The following TRNAU1AP variants were observed in gnomAD, a reference collection of about 807,000 sequenced individuals.
TRNAU1AP encodes tRNA selenocysteine 1-associated protein 1.
Under a neutral mutation model 43.3 loss-of-function variants are expected in TRNAU1AP, and 33 were observed. The ratio of observed to expected loss-of-function variants is 0.76; its 90% CI spans 0.58 to 1.02. The LOEUF (loss-of-function observed/expected upper bound fraction) is 1.02, where lower values mean the gene tolerates loss of function less well. TRNAU1AP is among the 50% of genes least tolerant of loss of function. The pLI is 0.00. For missense variants in TRNAU1AP, 290 were observed against 362.7 expected, an observed-to-expected ratio of 0.80 and a Z score of 1.63; for synonymous variants, 143 against 129.1, an observed-to-expected ratio of 1.11 and a Z score of -0.73.
intron 4 of TRNAU1AP, among the ~76,000 whole-genome samples, chr1:28,562,367 T>A (rs1212765774): frequency 2.6e-5 from 4 of 152,066 alleles, no homozygotes; most frequent in African/African-American, 4.8e-5. Context: ...ATGCGGTGTA[T>A]CCACTGACAA....
intron 8 of TRNAU1AP, among the ~76,000 whole-genome samples, chr1:28,576,833 T>C (rs1205025059): frequency 6.6e-6 from 1 of 152,208 alleles, no homozygotes; most frequent in Non-Finnish European, 1.5e-5. Context: ...TCCCGACTTC[T>C]GGTGATCTGC....
At chr1:28,557,523 A>T (rs1423561283) in intron 2 of TRNAU1AP, among the ~76,000 whole-genome samples, 3 of 145,522 alleles carry the variant, frequency 2.1e-5, no homozygotes, top group African/African-American at 7.7e-5. Flanking sequence ...TGTCACCCAG[A>T]CTATATTACA....
chr1:28,563,393 CAA>C lies in TRNAU1AP; in HGVS notation c.279-1306_279-1305del, dbSNP rs890802181. On this transcript the variant is annotated intron_variant, in intron 4 of 8. Transcript: ENST00000373830. ...AGAAACCCCGTCTCTACTAAAAATA[CAA>C]AAATTGGCTGGGCGTGGTGGCTTAC... Among the ~76,000 whole-genome samples, 88 of 151,814 alleles carry C rather than the reference CAA, an allele frequency of 5.8e-4. 1 individual carries two copies. The highest frequency in any genetic ancestry group is 1.1e-3 in the Non-Finnish European group (73 of 67,956).
chr1:28,553,828 C>A, intron 2 of TRNAU1AP, 91 bp downstream of exon 2: 1 of 1,102,022 alleles, frequency 9.1e-7, no homozygotes, highest in East Asian at 2.5e-5. Flanking sequence ...TCTCACTACC[C>A]CTAGTAATAG....
In TRNAU1AP at chr1:28,558,778, T is replaced by G. The variant is rs1043760954; in HGVS notation, c.126-1855T>G. Among the ~76,000 whole-genome samples the G allele has an allele frequency of 4.6e-5, 7 of 151,860 alleles. No homozygotes were observed. The South Asian group carries it at 6.2e-4, about 14-fold the overall frequency. ...GATGGGGTTTCACTGTGTTAGCCAG[T>G]ATGGTCTCAGTCTCCTGACCTCGTG... On this transcript the variant is annotated intron_variant, in intron 2 of 8. Transcript: ENST00000373830.
intron 2 of TRNAU1AP, among the ~76,000 whole-genome samples, chr1:28,554,741 G>T (rs1665219369): frequency 6.6e-6 from 1 of 151,798 alleles, no homozygotes. Context: ...CTACTTGGGG[G>T]GCTGAGGCAG....
intron 2 of TRNAU1AP, 79 bp downstream of exon 2, chr1:28,553,816 C>T (rs935722111): frequency 1.6e-6 from 2 of 1,217,490 alleles, no homozygotes; most frequent in African/African-American, 1.5e-5. Context: ...GTAGTCATGG[C>T]TTCTCACTAC....
intron 8 of TRNAU1AP, among the ~76,000 whole-genome samples, chr1:28,577,294 T>C (rs763126765): frequency 3.3e-5 from 5 of 152,204 alleles, no homozygotes; most frequent in Non-Finnish European, 7.3e-5. Flanking sequence ...AGATGCAGGC[T>C]AACAGCTGCC....
intron 3 of TRNAU1AP, 106 bp from the exon 4 acceptor site, chr1:28,561,240 G>C: frequency 6.5e-7 from 1 of 1,531,384 alleles, no homozygotes; most frequent in Non-Finnish European, 8.8e-7. Context: ...GGCTTAGAGA[G>C]GGGGAGATGT....
rs768527760 is a variant in TRNAU1AP, at chr1:28,553,650, A to T, written c.38A>T (p.Tyr13Phe). ...ASLWMGDLEP[Y>F]MDENFISRAF... Reference sequence around the variant, plus strand: ...CTTGTTTTTACGCAGCTGGAACCCTACATGGATGAGAACTTCATCTCCAGA... The same window carrying T: ...CTTGTTTTTACGCAGCTGGAACCCTTCATGGATGAGAACTTCATCTCCAGA... The change falls in exon 2 of 9, where the codon TAC (tyrosine) becomes TTC (phenylalanine). Residue 13 changes from tyrosine (Y) to phenylalanine (F), a missense_variant. Physicochemically the swap from Tyr to Phe is conservative, Grantham distance 22 (BLOSUM62 3). Transcript: ENST00000373830. 12 of 1,614,028 alleles carry T rather than the reference A, an allele frequency of 7.4e-6. No homozygotes were observed. Among genetic ancestry groups the T allele is most frequent in the Non-Finnish European group, 9.3e-6 (11 of 1,179,986 alleles).
chr1:28,556,686 T>G (rs1205822027), intron 2 of TRNAU1AP, among the ~76,000 whole-genome samples: 1 of 151,738 alleles, frequency 6.6e-6, no homozygotes, highest in African/African-American at 2.4e-5. Context: ...TCATTTTTTT[T>G]GTTTGTTTGT....
rs140209797 is a variant in TRNAU1AP at position 28,564,618 on chromosome 1, G to A, written c.279-85G>A. On this transcript the variant is annotated intron_variant, in intron 4 of 8. Transcript: ENST00000373830. The stretch of plus-strand genomic sequence containing the variant: ...AATGTTTTCCTTAAGGGGCCTGGGA[G>A]AGGTTTACCTGGAATATGCAAAAGA... The A allele has an allele frequency of 5.0e-3, 7,501 of 1,508,584 alleles. 26 individuals are homozygous for A. Among genetic ancestry groups the A allele is most frequent in the Non-Finnish European group, 6.0e-3 (6,740 of 1,122,422 alleles). 93.4% of individuals were successfully genotyped at this position (1,508,584 alleles called of 1,614,324 possible).
chr1:28,557,669 A>G (rs915381622), intron 2 of TRNAU1AP, among the ~76,000 whole-genome samples: 3 of 151,656 alleles, frequency 2.0e-5, no homozygotes, highest in African/African-American at 7.3e-5. Flanking sequence ...GCTCACTGCA[A>G]TCTGCACCTC....
chr1:28,553,397 G>T, intron 1 of TRNAU1AP: 1 of 625,152 alleles, frequency 1.6e-6, no homozygotes, highest in South Asian at 2.0e-5. Flanking sequence ...GCAATCCAAG[G>T]ACTGAGGCGC....
chr1:28,553,550 C>A, intron 1 of TRNAU1AP, 90 bp from the exon 2 acceptor site: 2 of 1,252,848 alleles, frequency 1.6e-6, no homozygotes, highest in Non-Finnish European at 2.3e-6. Context: ...CGGCGCGTAG[C>A]CAGCCCTGGG....
chr1:28,554,580 G>A (rs753717158), intron 2 of TRNAU1AP, among the ~76,000 whole-genome samples: 6 of 152,004 alleles, frequency 3.9e-5, no homozygotes, highest in Non-Finnish European at 8.8e-5. Context: ...AGTGGCTCTC[G>A]CCTGTAATCC....
Position 28,564,850 on chromosome 1 carries a change from T to G in TRNAU1AP, c.410+16T>G, listed in dbSNP as rs1322126956. On this transcript the variant is annotated intron_variant, in intron 5 of 8. Transcript: ENST00000373830. ...GCGTGTCTAAGTAAGGCCTTACTTG[T>G]TACTGATGCTTAACTGTGTTAGTTT... The G allele has an allele frequency of 1.2e-6, 2 of 1,613,788 alleles. No individual in the cohort carries two copies. Among genetic ancestry groups the G allele is most frequent in the Admixed American group, 3.3e-5 (2 of 59,948 alleles).
At chr1:28,569,788 C>G (rs1455797703) in intron 6 of TRNAU1AP, among the ~76,000 whole-genome samples, 1 of 143,184 alleles carries the variant, frequency 7.0e-6, no homozygotes, top group Non-Finnish European at 1.5e-5. Context: ...AGATTGAGAC[C>G]ATCCTGGCTA....
intron 4 of TRNAU1AP, among the ~76,000 whole-genome samples, chr1:28,563,683 CAAA>C (rs879687976): frequency 1.8e-5 from 2 of 109,492 alleles, no homozygotes; most frequent in Non-Finnish European, 1.9e-5. Context: ...GACTCCGTCT[CAAA>C]AAAAAAAAAA....
Sources: gnomAD v4.1 joint callset for allele counts (sites outside exome capture counted in the v4.1 genomes callset) on GRCh38, gnomAD v4.1.1 for gene constraint, MANE v1.5 for transcripts, NCBI Gene and HGNC (gene_info 2026-07-23, HGNC 2026-07-21) for gene names.